The following RSRC1 variants were observed in gnomAD, a reference collection of about 807,000 sequenced individuals.
RSRC1 encodes serine/Arginine-related protein 53.
A neutral mutation model predicts 49.1 loss-of-function variants in RSRC1; 39 were observed. The ratio of observed to expected loss-of-function variants is 0.79; its 90% CI spans 0.61 to 1.04. The LOEUF (loss-of-function observed/expected upper bound fraction) is 1.04. Ranked by LOEUF, RSRC1 falls within the 50% of genes least tolerant of loss-of-function variation. RSRC1 has a pLI of 0.00. For synonymous variants in RSRC1, 143 were observed against 130.8 expected (o/e 1.09, Z -0.63); for missense variants, 388 against 402.4 (o/e 0.96, Z 0.31).
chr3:158,408,819 G>T (rs978298144), intron 6 of RSRC1, among the ~76,000 whole-genome samples: 11 of 151,990 alleles, frequency 7.2e-5, no homozygotes, highest in Admixed American at 2.0e-4. Flanking sequence ...ATCACTTGAG[G>T]CCAGGAGTTT....
intron 7 of RSRC1, among the ~76,000 whole-genome samples, chr3:158,518,755 G>C (rs1009584106): frequency 5.3e-5 from 8 of 151,948 alleles, no homozygotes; most frequent in African/African-American, 1.9e-4. Context: ...TAACTCAACC[G>C]ACCACACTAT....
intron 3 of RSRC1, among the ~76,000 whole-genome samples, chr3:158,169,882 T>TA (rs1260780321): frequency 6.6e-6 from 1 of 152,192 alleles, no homozygotes; most frequent in African/African-American, 2.4e-5. Flanking sequence ...ATCTTACTAT[T>TA]ATGTAGAACC....
At chr3:158,211,105 G>T (rs946825332) in intron 4 of RSRC1, among the ~76,000 whole-genome samples, 2 of 151,948 alleles carry the variant, frequency 1.3e-5, no homozygotes, top group Non-Finnish European at 2.9e-5. Flanking sequence ...TCATTACATG[G>T]TCTATAAAAA....
chr3:158,427,126 T>C (rs1735489303), intron 6 of RSRC1, among the ~76,000 whole-genome samples: 1 of 151,722 alleles, frequency 6.6e-6, no homozygotes, highest in South Asian at 2.1e-4. Context: ...TAGAACAGGC[T>C]ATTCCTACAC....
chr3:158,118,041 T>C (rs1714958988), intron 1 of RSRC1, among the ~76,000 whole-genome samples: 1 of 152,024 alleles, frequency 6.6e-6, no homozygotes, highest in South Asian at 2.1e-4. Context: ...CCTCGCCCAC[T>C]TGGGCTCCGG....
At chr3:158,181,797 T>C (rs1303065034) in intron 3 of RSRC1, among the ~76,000 whole-genome samples, 4 of 152,180 alleles carry the variant, frequency 2.6e-5, no homozygotes, top group African/African-American at 9.6e-5. Flanking sequence ...TAAATAATTA[T>C]GTAGATTTTA....
intron 7 of RSRC1, among the ~76,000 whole-genome samples, chr3:158,463,824 A>G (rs985616321): frequency 6.6e-6 from 1 of 152,046 alleles, no homozygotes; most frequent in Non-Finnish European, 1.5e-5. Flanking sequence ...CCTTTAACCA[A>G]TGGGGGCCCA....
chr3:158,470,359 CACATATATATAT>C (rs1400748408), intron 7 of RSRC1, among the ~76,000 whole-genome samples: 1 of 93,274 alleles, frequency 1.1e-5, no homozygotes, highest in African/African-American at 3.8e-5. Context: ...CACACACACA[CACATATATATAT>C]ATATATATAA....
At chr3:158,427,181 A>G (rs962453465) in intron 6 of RSRC1, among the ~76,000 whole-genome samples, 3 of 150,826 alleles carry the variant, frequency 2.0e-5, no homozygotes, top group African/African-American at 4.8e-5. Context: ...AATAAATGAT[A>G]GCCAACCAAC....
At position 158,432,642 on chromosome 3, in the gene RSRC1, T is replaced by C. The variant is rs183949705; in HGVS notation, c.584-28293T>C. Among the ~76,000 whole-genome samples, 27 of 152,086 alleles carry C rather than the reference T, an allele frequency of 1.8e-4. No homozygotes were observed. In the East Asian group the frequency reaches 2.9e-3, roughly 16 times the overall value. ...TTAGCTTTCGTAGTTTTGAAAGAAC[T>C]GAGACTTTTTATGAAGATTTTAGAT... On this transcript the variant is annotated intron_variant, in intron 6 of 9. Transcript: ENST00000611884.
At chr3:158,399,816 A>G (rs1485678093) in intron 6 of RSRC1, among the ~76,000 whole-genome samples, 1 of 152,080 alleles carries the variant, frequency 6.6e-6, no homozygotes, top group African/African-American at 2.4e-5. Flanking sequence ...CCCCCTGCAA[A>G]ATGGAAGTAA....
intron 7 of RSRC1, among the ~76,000 whole-genome samples, chr3:158,494,579 A>C (rs1350925632): frequency 6.6e-6 from 1 of 152,188 alleles, no homozygotes; most frequent in East Asian, 1.9e-4. Flanking sequence ...ATTAAATTTA[A>C]ATTTTAAAAC....
chr3:158,515,851 A>G (rs928932217), intron 7 of RSRC1, among the ~76,000 whole-genome samples: 1 of 151,816 alleles, frequency 6.6e-6, no homozygotes, highest in African/African-American at 2.4e-5. Flanking sequence ...CATTCATTTC[A>G]TCTTCCATCG....
At chr3:158,146,311 C>G (rs557876424) in intron 3 of RSRC1, among the ~76,000 whole-genome samples, 5 of 152,216 alleles carry the variant, frequency 3.3e-5, no homozygotes, top group African/African-American at 4.8e-5. Context: ...CCATCAATAT[C>G]TAATTTATTG....
chr3:158,437,639 A>G (rs1476906382), intron 6 of RSRC1, among the ~76,000 whole-genome samples: 2 of 152,144 alleles, frequency 1.3e-5, no homozygotes, highest in East Asian at 1.9e-4. Context: ...CTCTCAGTAC[A>G]CTAGGTATTG....
intron 6 of RSRC1, among the ~76,000 whole-genome samples, chr3:158,452,428 T>C (rs1469500816): frequency 6.6e-6 from 1 of 152,198 alleles, no homozygotes; most frequent in African/African-American, 2.4e-5. Context: ...GAATAAGATG[T>C]CAGAAAATGT....
intron 3 of RSRC1, among the ~76,000 whole-genome samples, chr3:158,162,943 C>A (rs1718321272): frequency 6.6e-6 from 1 of 152,098 alleles, no homozygotes; most frequent in African/African-American, 2.4e-5. Context: ...AATTTCTAAT[C>A]TTTTGGATAT....
chr3:158,316,887 A>G (rs1728494686), intron 5 of RSRC1, among the ~76,000 whole-genome samples: 1 of 152,222 alleles, frequency 6.6e-6, no homozygotes, highest in Admixed American at 6.5e-5. Flanking sequence ...CAAAAATAAC[A>G]GAGTTTCAAT....
At chr3:158,379,119 C>T (rs748878150) in intron 6 of RSRC1, among the ~76,000 whole-genome samples, 5 of 151,924 alleles carry the variant, frequency 3.3e-5, no homozygotes. Context: ...GCATGATTCC[C>T]ACTAGTTCCA....
Sources: gnomAD v4.1 joint callset for allele counts (sites outside exome capture counted in the v4.1 genomes callset) on GRCh38, gnomAD v4.1.1 for gene constraint, MANE v1.5 for transcripts, NCBI Gene and HGNC (gene_info 2026-07-23, HGNC 2026-07-21) for gene names.